The following SH3RF2 variants were observed in gnomAD, a reference collection of about 807,000 sequenced individuals.
The protein encoded by SH3RF2 is SH3 domain containing ring finger 2.
Under a neutral mutation model 59.0 loss-of-function variants are expected in SH3RF2, and 43 were observed. The observed-to-expected ratio is 0.73, with a 90% confidence interval of 0.57 to 0.94. The LOEUF (loss-of-function observed/expected upper bound fraction) is 0.94, where lower values mean the gene tolerates loss of function less well. Among genes scored for constraint, SH3RF2 ranks in the 40% least tolerant of loss-of-function variants. The probability of loss-of-function intolerance (pLI) is 0.00; values close to 1 mark genes in which losing one functional copy is unlikely to be tolerated. For missense variants in SH3RF2, 930 were observed against 940.1 expected (o/e 0.99, Z 0.14); for synonymous variants, 391 against 391.5 (o/e 1.00, Z 0.01).
intron 2 of SH3RF2, among the ~76,000 whole-genome samples, chr5:145,991,482 C>T (rs1254141343): frequency 7.9e-5 from 12 of 152,182 alleles, no homozygotes; most frequent in Admixed American, 7.9e-4. Flanking sequence ...TCCTGCTTCC[C>T]TCTGCCCTGC....
intron 5 of SH3RF2, among the ~76,000 whole-genome samples, chr5:146,038,752 C>T (rs1453195378): frequency 6.6e-6 from 1 of 152,174 alleles, no homozygotes; most frequent in African/African-American, 2.4e-5. Flanking sequence ...CAAATTTAAC[C>T]ATGAATTCAA....
chr5:146,020,500 C>G (rs1002252975), intron 5 of SH3RF2, among the ~76,000 whole-genome samples: 2 of 152,042 alleles, frequency 1.3e-5, no homozygotes, highest in Admixed American at 1.3e-4. Context: ...ATATCCATAC[C>G]CCAAGGCCCT....
At chr5:146,052,176 A>G (rs551795313) in intron 7 of SH3RF2, among the ~76,000 whole-genome samples, 1 of 152,280 alleles carries the variant, frequency 6.6e-6, no homozygotes, top group African/African-American at 2.4e-5. Context: ...TCAATAGAAT[A>G]AGGGTGACCA....
intron 2 of SH3RF2, among the ~76,000 whole-genome samples, chr5:145,978,661 G>T (rs1245967692): frequency 2.7e-5 from 4 of 149,430 alleles, no homozygotes; most frequent in African/African-American, 9.9e-5. Context: ...GGAGGCAGGA[G>T]TTAGTTAGGA....
At chr5:146,055,155 G>T (rs191095188) in intron 7 of SH3RF2, among the ~76,000 whole-genome samples, 1 of 152,324 alleles carries the variant, frequency 6.6e-6, no homozygotes, top group Admixed American at 6.5e-5. Context: ...CCTACCATCT[G>T]CTTTAGTTCA....
intron 2 of SH3RF2, among the ~76,000 whole-genome samples, chr5:145,968,289 G>T (rs367705566): frequency 6.6e-6 from 1 of 152,210 alleles, no homozygotes. Flanking sequence ...ATATTGGAAA[G>T]AACCCCAAAT....
intron 2 of SH3RF2, among the ~76,000 whole-genome samples, chr5:145,948,474 G>A (rs1425607818): frequency 6.6e-6 from 1 of 152,216 alleles, no homozygotes; most frequent in African/African-American, 2.4e-5. Flanking sequence ...ACAGCATAGA[G>A]GGACCAAGAG....
chr5:146,043,967 T>C (rs773115526), intron 5 of SH3RF2: 3 of 152,176 alleles, frequency 2.0e-5, no homozygotes, highest in African/African-American at 4.8e-5. Flanking sequence ...CTTAAGTAAA[T>C]ATTTGTGAGT....
intron 2 of SH3RF2, among the ~76,000 whole-genome samples, chr5:145,964,723 C>G (rs1758793603): frequency 6.6e-6 from 1 of 152,134 alleles, no homozygotes; most frequent in Non-Finnish European, 1.5e-5. Flanking sequence ...GAGATTTGCC[C>G]TGTGTCCATT....
chr5:146,006,285 A>G (rs1760641197), intron 4 of SH3RF2, among the ~76,000 whole-genome samples: 2 of 152,094 alleles, frequency 1.3e-5, no homozygotes, highest in Non-Finnish European at 2.9e-5. Flanking sequence ...CTAGCCAGGC[A>G]TGGTGGCCCA....
intron 2 of SH3RF2, among the ~76,000 whole-genome samples, chr5:145,978,185 A>C (rs914036247): frequency 6.6e-6 from 1 of 152,194 alleles, no homozygotes; most frequent in African/African-American, 2.4e-5. Context: ...CAGATTCCCT[A>C]AATGAAAGCA....
chr5:146,025,808 T>C (rs1367997316), intron 5 of SH3RF2, among the ~76,000 whole-genome samples: 27 of 152,208 alleles, frequency 1.8e-4, no homozygotes, highest in Admixed American at 1.8e-3. Flanking sequence ...CAAAGCTTCT[T>C]GTCATGGCTT....
intron 5 of SH3RF2, among the ~76,000 whole-genome samples, chr5:146,028,380 C>A (rs1761618461): frequency 6.6e-6 from 1 of 152,258 alleles, no homozygotes; most frequent in Non-Finnish European, 1.5e-5. Context: ...GTGGCTCAAC[C>A]TTGCAAGACC....
chr5:146,064,792 G>GAAGGAAAGGAAGGAAGGA (rs1763045887), downstream of SH3RF2, among the ~76,000 whole-genome samples: 1 of 34,024 alleles, frequency 2.9e-5, no homozygotes, highest in African/African-American at 1.1e-4. Flanking sequence ...AGGAAGGAAG[G>GAAGGAAAGGAAGGAAGGA]AAGGAAGGAA....
chr5:146,044,035 G>A (rs1762213471), intron 5 of SH3RF2, among the ~76,000 whole-genome samples: 1 of 152,120 alleles, frequency 6.6e-6, no homozygotes. Context: ...TGGCCAATCT[G>A]TTTTCCAACA....
chr5:146,040,261 A>G (rs1183131321), intron 5 of SH3RF2, among the ~76,000 whole-genome samples: 1 of 152,232 alleles, frequency 6.6e-6, no homozygotes, highest in Non-Finnish European at 1.5e-5. Flanking sequence ...GGTGGTATGT[A>G]TGCAGGTATC....
At chr5:146,031,489 G>A (rs1761740771) in intron 5 of SH3RF2, among the ~76,000 whole-genome samples, 1 of 152,204 alleles carries the variant, frequency 6.6e-6, no homozygotes, top group African/African-American at 2.4e-5. Context: ...GAGTGTGTGA[G>A]GGAATTCTTA....
chr5:146,027,774 C>A (rs1414736608), intron 5 of SH3RF2, among the ~76,000 whole-genome samples: 1 of 152,108 alleles, frequency 6.6e-6, no homozygotes, highest in East Asian at 1.9e-4. Flanking sequence ...CTGCACACAC[C>A]TCTCCTTAGC....
intron 9 of SH3RF2, among the ~76,000 whole-genome samples, chr5:146,077,678 C>T (rs1353104414): frequency 1.3e-5 from 2 of 151,966 alleles, no homozygotes; most frequent in East Asian, 3.9e-4. Flanking sequence ...TATTCAATTG[C>T]CCTTCTATTT....
Sources: gnomAD v4.1 joint callset for allele counts (sites outside exome capture counted in the v4.1 genomes callset) on GRCh38, gnomAD v4.1.1 for gene constraint, MANE v1.5 for transcripts, NCBI Gene and HGNC (gene_info 2026-07-23, HGNC 2026-07-21) for gene names.